The following IL26 variants were observed in gnomAD, a reference collection of about 807,000 sequenced individuals.
The protein encoded by IL26 is interleukin 26.
Under a neutral mutation model 21.7 loss-of-function variants are expected in IL26, and 23 were observed. The ratio of observed to expected loss-of-function variants is 1.06; its 90% CI spans 0.76 to 1.50. The LOEUF is 1.50. Ranked by LOEUF, IL26 falls within the 40% of genes most tolerant of loss-of-function variation. The pLI, the probability that IL26 is intolerant of heterozygous loss-of-function variation, is 0.00. For synonymous variants in IL26, 63 were observed against 67.8 expected (o/e 0.93, Z 0.34); for missense variants, 204 against 196.0 (o/e 1.04, Z -0.24).
At chr12:68,209,327 C>A (rs1046369848) in intron 3 of IL26, among the ~76,000 whole-genome samples, 14 of 152,082 alleles carry the variant, frequency 9.2e-5, no homozygotes, top group Non-Finnish European at 1.9e-4. Flanking sequence ...GGTGATCAAA[C>A]AAAGAAACAG....
At chr12:68,223,181 G>A (rs1307226550) in intron 3 of IL26, among the ~76,000 whole-genome samples, 2 of 152,184 alleles carry the variant, frequency 1.3e-5, no homozygotes, top group Non-Finnish European at 2.9e-5. Flanking sequence ...TTACCCCAGG[G>A]CATAAACTGC....
At chr12:68,208,478 TTTTC>T (rs3052112) in intron 3 of IL26, among the ~76,000 whole-genome samples, 27,262 of 150,682 alleles carry the variant, frequency 0.18, 5,828 homozygotes, top group African/African-American at 0.52. Flanking sequence ...GAAGAAAGCA[TTTTC>T]TTTCTTTCTT....
intron 3 of IL26, among the ~76,000 whole-genome samples, chr12:68,222,121 A>G (rs1282884226): frequency 6.6e-6 from 1 of 152,242 alleles, no homozygotes. Context: ...CAACAGAAAT[A>G]AAACAGGTAC....
intron 3 of IL26, among the ~76,000 whole-genome samples, chr12:68,222,616 G>A (rs1164555770): frequency 3.3e-5 from 5 of 152,136 alleles, no homozygotes; most frequent in African/African-American, 1.2e-4. Flanking sequence ...AGAAGCCTTG[G>A]ATCAGTTTTA....
intron 3 of IL26, among the ~76,000 whole-genome samples, chr12:68,202,528 C>T (rs949409785): frequency 3.3e-5 from 5 of 152,140 alleles, no homozygotes; most frequent in East Asian, 1.9e-4. Flanking sequence ...CTTACAATCA[C>T]GGCAGAAGGT....
At chr12:68,206,499 C>T (rs925171081) in intron 3 of IL26, among the ~76,000 whole-genome samples, 2 of 152,114 alleles carry the variant, frequency 1.3e-5, no homozygotes, top group Non-Finnish European at 2.9e-5. Flanking sequence ...ACTTCAGGAA[C>T]AAAGCACCAA....
chr12:68,203,100 A>C (rs2120416093), intron 3 of IL26, among the ~76,000 whole-genome samples: 1 of 152,350 alleles, frequency 6.6e-6, no homozygotes, highest in South Asian at 2.1e-4. Context: ...CTAGGACATT[A>C]AATATTACTT....
At chr12:68,204,234 C>G (rs771479336) in intron 3 of IL26, among the ~76,000 whole-genome samples, 23 of 151,062 alleles carry the variant, frequency 1.5e-4, no homozygotes, top group Non-Finnish European at 2.7e-4. Flanking sequence ...AGCTCCACCC[C>G]CGGGGTTCAC....
At chr12:68,203,388 C>A (rs981187522) in intron 3 of IL26, among the ~76,000 whole-genome samples, 4 of 152,178 alleles carry the variant, frequency 2.6e-5, no homozygotes, top group Non-Finnish European at 5.9e-5. Flanking sequence ...CTGGAATAGA[C>A]CAAGGAGATT....
intron 3 of IL26, among the ~76,000 whole-genome samples, chr12:68,219,896 T>A (rs1261643657): frequency 6.6e-6 from 1 of 152,050 alleles, no homozygotes; most frequent in African/African-American, 2.4e-5. Context: ...CATCCTGTAC[T>A]ATGCAGATAT....
chr12:68,225,404 T>G, intron 2 of IL26, 40 bp downstream of exon 2: 1 of 1,530,682 alleles, frequency 6.5e-7, no homozygotes, highest in Non-Finnish European at 8.9e-7. Flanking sequence ...AAACATCAAA[T>G]AAGTGGAAAT....
chr12:68,225,806 C>A lies in IL26; in HGVS notation c.-50G>T. ...GTCACTCACAGCAGCCCAAGAGATA[C>A]TAATGCCGGTTAGATGAGAGGATAA... On this transcript the variant is annotated 5_prime_UTR_variant, in exon 1 of 5. Coordinates refer to ENST00000229134, the MANE Select transcript of IL26 (RefSeq NM_018402.2). 2 of 1,586,770 alleles carry A rather than the reference C, an allele frequency of 1.3e-6. No individual in the cohort carries two copies.
rs183895947 is a variant in IL26, at chr12:68,205,318, C to T, written c.364-3235G>A. ...CCCCACCAATGAAGTTAAAAACCTGCGTAAAACATTAGACCCCCCCCAAAT... is the reference window on the plus strand; with the variant it reads ...CCCCACCAATGAAGTTAAAAACCTGTGTAAAACATTAGACCCCCCCCAAAT... On this transcript the variant is annotated intron_variant, in intron 3 of 4. Coordinates refer to ENST00000229134, the MANE Select transcript of IL26 (RefSeq NM_018402.2). Among the ~76,000 whole-genome samples, 87 of 131,458 alleles carry T rather than the reference C, an allele frequency of 6.6e-4. No individual in the cohort carries two copies. The East Asian group carries it at 0.018, about 28-fold the overall frequency. 86.2% of individuals were successfully genotyped at this position (131,458 alleles called of 152,430 possible).
intron 3 of IL26, among the ~76,000 whole-genome samples, chr12:68,223,457 C>T (rs1869120891): frequency 6.6e-6 from 1 of 152,146 alleles, no homozygotes. Context: ...CTAAGCTTTT[C>T]ATCTAGAATA....
chr12:68,215,456 T>C lies in IL26; in HGVS notation c.363+9693A>G, dbSNP rs531840269. On this transcript the variant is annotated intron_variant, in intron 3 of 4. Transcript: ENST00000229134. The stretch of plus-strand genomic sequence containing the variant: ...TAGCATTCTGGGATATTGCTGGTGA[T>C]AATCATAGTGCTGTGTATTTGTTTT... 2.6e-5 allele frequency among the ~76,000 whole-genome samples: 4 copies of C among 152,308 alleles called. No homozygotes were observed. The East Asian group carries it at 7.7e-4, about 29-fold the overall frequency.
At chr12:68,207,626 T>A (rs1170028568) in intron 3 of IL26, among the ~76,000 whole-genome samples, 1 of 152,190 alleles carries the variant, frequency 6.6e-6, no homozygotes, top group East Asian at 1.9e-4. Context: ...ACATTACTCA[T>A]TGGTAATGTG....
At chr12:68,208,421 G>A (rs139012419) in intron 3 of IL26, among the ~76,000 whole-genome samples, 71 of 152,270 alleles carry the variant, frequency 4.7e-4, no homozygotes, top group African/African-American at 1.6e-3. Flanking sequence ...ATCCTCCTAT[G>A]TGCTCCCTTT....
At chr12:68,216,720 A>G (rs978087067) in intron 3 of IL26, among the ~76,000 whole-genome samples, 3 of 152,242 alleles carry the variant, frequency 2.0e-5, no homozygotes, top group Non-Finnish European at 4.4e-5. Context: ...TACTTATTAA[A>G]CAGTCTACAA....
At chr12:68,207,869 T>C (rs1372023553) in intron 3 of IL26, among the ~76,000 whole-genome samples, 3 of 149,680 alleles carry the variant, frequency 2.0e-5, no homozygotes, top group Non-Finnish European at 4.5e-5. Context: ...TAAAATAGAC[T>C]AGTACATACA....
Sources: allele counts gnomAD v4.1 joint callset (sites outside exome capture counted in the v4.1 genomes callset), GRCh38; gene constraint gnomAD v4.1.1; transcripts MANE v1.5; gene names NCBI Gene and HGNC (gene_info 2026-07-23, HGNC 2026-07-21).